The following CACNA1B variants were observed in gnomAD, a reference collection of about 807,000 sequenced individuals.
The protein encoded by CACNA1B is calcium voltage-gated channel subunit alpha1 B.
Under a neutral mutation model 247.2 loss-of-function variants are expected in CACNA1B, and 70 were observed. That is an observed-to-expected ratio of 0.28 (90% CI 0.23 to 0.35). The LOEUF (loss-of-function observed/expected upper bound fraction) is 0.35. Among genes scored for constraint, CACNA1B ranks in the 10% least tolerant of loss-of-function variants. CACNA1B has a pLI of 1.00. For synonymous variants in CACNA1B, 1,231 were observed against 1,294.4 expected, an observed-to-expected ratio of 0.95 and a Z score of 1.05; for missense variants, 2,367 against 3,197.4, an observed-to-expected ratio of 0.74 and a Z score of 6.26.
At chr9:137,909,772 C>A (rs1156815530) in intron 3 of CACNA1B, among the ~76,000 whole-genome samples, 1 of 149,870 alleles carries the variant, frequency 6.7e-6, no homozygotes, top group African/African-American at 2.5e-5. Context: ...TTTTTTTTTT[C>A]ATTTTTAGTT....
intron 6 of CACNA1B, among the ~76,000 whole-genome samples, chr9:137,923,799 C>T (rs1345986433): frequency 6.6e-6 from 1 of 152,168 alleles, no homozygotes; most frequent in Non-Finnish European, 1.5e-5. Context: ...GCATTCTGGC[C>T]AGTGTTTGGT....
chr9:137,942,306 TA>T (rs1303966851), intron 6 of CACNA1B, among the ~76,000 whole-genome samples: 2 of 152,120 alleles, frequency 1.3e-5, no homozygotes, highest in African/African-American at 4.8e-5. Flanking sequence ...ATGGTGGTAA[TA>T]AAAAAATTTA....
intron 6 of CACNA1B, among the ~76,000 whole-genome samples, chr9:137,948,075 A>G (rs1430048707): frequency 2.7e-5 from 4 of 148,508 alleles, no homozygotes; most frequent in Non-Finnish European, 5.9e-5. Context: ...CCGCCTCCCA[A>G]GCTCAAGCGA....
At chr9:137,968,530 G>T (rs1958108379) in intron 10 of CACNA1B, among the ~76,000 whole-genome samples, 2 of 152,228 alleles carry the variant, frequency 1.3e-5, no homozygotes, top group Admixed American at 1.3e-4. Context: ...CCATCAGCTC[G>T]TGCTTTAGCC....
intron 39 of CACNA1B, among the ~76,000 whole-genome samples, chr9:138,109,735 T>C (rs1961557948): frequency 6.6e-6 from 1 of 152,178 alleles, no homozygotes; most frequent in Non-Finnish European, 1.5e-5. Flanking sequence ...TTGAAATGGA[T>C]TGTAGACAGA....
intron 6 of CACNA1B, among the ~76,000 whole-genome samples, chr9:137,949,016 G>T (rs916885716): frequency 7.9e-4 from 112 of 142,078 alleles, no homozygotes; most frequent in Non-Finnish European, 1.3e-3. Context: ...TGTGTGTTTT[G>T]TGTGTGTGGT....
chr9:137,944,153 C>A (rs1957766455), intron 6 of CACNA1B, among the ~76,000 whole-genome samples: 1 of 152,092 alleles, frequency 6.6e-6, no homozygotes, highest in South Asian at 2.1e-4. Flanking sequence ...TTACTCTGTT[C>A]CCCTTTTCCT....
At chr9:137,879,205 G>C in intron 2 of CACNA1B, 46 bp downstream of exon 2, 1 of 1,238,172 alleles carries the variant, frequency 8.1e-7, no homozygotes, top group Non-Finnish European at 1.2e-6. Context: ...GGGAGGCCGC[G>C]ACTCCACTTT....
intron 10 of CACNA1B, among the ~76,000 whole-genome samples, chr9:137,960,601 A>G (rs1261513127): frequency 6.6e-6 from 1 of 151,928 alleles, no homozygotes; most frequent in Non-Finnish European, 1.5e-5. Flanking sequence ...CATTCCAGGC[A>G]ACGAGTGCCA....
Position 137,882,528 on chromosome 9 carries a change from G to A in CACNA1B, c.391-216G>A, listed in dbSNP as rs574582036. Among the ~76,000 whole-genome samples, 5 of 152,298 alleles carry A rather than the reference G, an allele frequency of 3.3e-5. No individual in the cohort carries two copies. In the South Asian group the frequency reaches 1.0e-3, roughly 32 times the overall value. On this transcript the variant is annotated intron_variant, in intron 2 of 46. Coordinates refer to ENST00000371372, the MANE Select transcript of CACNA1B (RefSeq NM_000718.4). The surrounding 1 kb of genome is among the most constrained non-coding windows in gnomAD (Gnocchi z 4.0). ...GGATGTTGCTGCTGTAAACAGTGGT[G>A]TCCCCATTAGGGGACATGTGCAGAC... is the stretch of plus-strand genomic sequence containing the variant.
chr9:138,121,845 G>A lies in CACNA1B; in HGVS notation c.6866G>A (p.Gly2289Asp). Residue 2289 changes from glycine (G) to aspartate (D), a missense_variant, in exon 47 of 47, where the codon GGC (glycine) becomes GAC (aspartate). By Grantham distance (94) the Gly-to-Asp change is moderately conservative. This residue lies in a region of CACNA1B where 773 missense variants were observed against 779.4 expected (regional missense o/e 0.99). Coordinates refer to ENST00000371372, the MANE Select transcript of CACNA1B (RefSeq NM_000718.4). This position sits in a 1 kb window ranked among gnomAD's most constrained non-coding sequence, Gnocchi z 6.8. ...TFEEAVATNS[G>D]RSSRTSYVSS... The stretch of plus-strand genomic sequence containing the variant: ...GAGGAGGCTGTGGCCACCAACTCGG[G>A]CCGCTCCTCCAGGACTTCCTACGTG... 1 of 1,613,338 alleles carries A rather than the reference G, an allele frequency of 6.2e-7. No individual in the cohort carries two copies. The highest frequency in any genetic ancestry group is 8.5e-7 in the Non-Finnish European group (1 of 1,179,884).
In CACNA1B at chr9:138,023,552, G is replaced by A; in HGVS notation, c.2809G>A (p.Ala937Thr). ...CGAGCGGGAGCCCCGACGCCACCGC[G>A]CGCACCGGCACCAGGATCCGAGCAA... ...AAEREPRRHR[A>T]HRHQDPSKEC... The change falls in exon 19 of 47, where the codon GCG becomes ACG. Residue 937 changes from alanine to threonine, a missense_variant. Physicochemically the swap from Ala to Thr is moderately conservative, Grantham distance 58. This residue lies in a region of CACNA1B where 631 missense variants were observed against 631.1 expected (regional missense o/e 1.00). Transcript: ENST00000371372. 9.2e-7 allele frequency: 1 copy of A among 1,087,022 alleles called. No homozygotes were observed. The highest frequency in any genetic ancestry group is 1.1e-6 in the Non-Finnish European group (1 of 891,118). 67.3% of individuals were successfully genotyped at this position (1,087,022 alleles called of 1,614,324 possible). A position where few individuals can be genotyped will look rare whatever the true frequency, so the allele number is the denominator to read the frequency against.
At chr9:137,956,922 C>A in intron 9 of CACNA1B, 95 bp downstream of exon 9, 1 of 1,031,254 alleles carries the variant, frequency 9.7e-7, no homozygotes, top group Admixed American at 1.8e-5. Flanking sequence ...ACGCGAAGTG[C>A]TCTTGGCAGT....
intron 6 of CACNA1B, among the ~76,000 whole-genome samples, chr9:137,921,882 G>GA (rs1957486271): frequency 4.5e-5 from 5 of 111,008 alleles, no homozygotes; most frequent in African/African-American, 3.5e-5. Flanking sequence ...CAGCACTGCA[G>GA]CCGCGCAGCA....
In CACNA1B at chr9:138,019,639, G is replaced by T. The variant is rs567546755; in HGVS notation, c.2268-3372G>T. Among the ~76,000 whole-genome samples, 39 of 151,704 alleles carry T rather than the reference G, an allele frequency of 2.6e-4. No individual in the cohort carries two copies. The South Asian group carries it at 7.9e-3, about 31-fold the overall frequency. The stretch of plus-strand genomic sequence containing the variant: ...CTGTCCTAGTGGTGGTGAGGCCCCT[G>T]CCGCCCCCGCCCTGCCCAGTGCTTC... On this transcript the variant is annotated intron_variant, in intron 18 of 46. Coordinates refer to ENST00000371372, the MANE Select transcript of CACNA1B (RefSeq NM_000718.4).
chr9:137,978,179 G>A (rs1958247649), intron 12 of CACNA1B, among the ~76,000 whole-genome samples: 1 of 140,486 alleles, frequency 7.1e-6, no homozygotes, highest in Non-Finnish European at 1.5e-5. Flanking sequence ...AGGAGTGACA[G>A]GTGGGAGCAT....
At chr9:137,908,538 C>CA (rs999816421) in intron 3 of CACNA1B, among the ~76,000 whole-genome samples, 1 of 151,440 alleles carries the variant, frequency 6.6e-6, no homozygotes, top group Non-Finnish European at 1.5e-5. Context: ...AACAAACAAA[C>CA]AAAAAAAACC....
chr9:138,056,795 G>A (rs528718873), intron 26 of CACNA1B, among the ~76,000 whole-genome samples: 13 of 152,310 alleles, frequency 8.5e-5, no homozygotes, highest in Non-Finnish European at 1.8e-4. Flanking sequence ...TGGGCATGAA[G>A]TGGTGTCTCG....
At chr9:138,071,461 C>T (rs1303272293) in intron 32 of CACNA1B, among the ~76,000 whole-genome samples, 1 of 152,204 alleles carries the variant, frequency 6.6e-6, no homozygotes, top group Admixed American at 6.5e-5. Flanking sequence ...TGCTCTCCTG[C>T]ATGCAGCTGG....
Sources: allele counts gnomAD v4.1 joint callset (sites outside exome capture counted in the v4.1 genomes callset), GRCh38; gene constraint gnomAD v4.1.1; regional missense constraint gnomAD v4.1.1; non-coding constraint Gnocchi (gnomAD v3.1); transcripts MANE v1.5; gene names NCBI Gene and HGNC (gene_info 2026-07-23, HGNC 2026-07-21).